Variants in SLC38A8 observed in about 807,000 individuals in gnomAD.
SLC38A8 encodes solute carrier family 38 member 8.
SLC38A8 carries 65 observed loss-of-function variants against 46.0 expected under a neutral mutation model. The ratio of observed to expected loss-of-function variants is 1.41; its 90% confidence interval spans 1.16 to 1.74. The LOEUF (loss-of-function observed/expected upper bound fraction) is 1.74, where lower values mean the gene tolerates loss of function less well. SLC38A8 is among the 40% of genes most tolerant of loss of function. The pLI, the probability that SLC38A8 is intolerant of heterozygous loss-of-function variation, is 0.00. For synonymous variants in SLC38A8, 447 were observed against 243.7 expected (o/e 1.83, Z -7.77); for missense variants, 998 against 567.9 (o/e 1.76, Z -7.70).
At chr16:84,038,016 T>A (rs1346351704) in intron 2 of SLC38A8, among the ~76,000 whole-genome samples, 1 of 151,842 alleles carries the variant, frequency 6.6e-6, no homozygotes, top group Non-Finnish European at 1.5e-5. Flanking sequence ...AAATGTATTA[T>A]AAAAAATTTT....
At chr16:84,038,473 T>A (rs1304789424) in intron 2 of SLC38A8, among the ~76,000 whole-genome samples, 2 of 152,182 alleles carry the variant, frequency 1.3e-5, no homozygotes, top group African/African-American at 2.4e-5. Context: ...TCTTAATGGA[T>A]CAGCATTTTG....
chr16:84,041,341 CAG>C (rs1163233086), intron 2 of SLC38A8: 4 of 152,448 alleles, frequency 2.6e-5, no homozygotes, highest in Non-Finnish European at 5.9e-5. Context: ...GTGTTTAAGA[CAG>C]AGTCTCACTC....
intron 10 of SLC38A8, among the ~76,000 whole-genome samples, chr16:84,011,616 G>A (rs1274694474): frequency 6.6e-6 from 1 of 152,228 alleles, no homozygotes; most frequent in Non-Finnish European, 1.5e-5. Context: ...ACCTGTGCTT[G>A]CCAGCTTATC....
intron 10 of SLC38A8, among the ~76,000 whole-genome samples, chr16:84,010,291 G>T (rs989407218): frequency 6.6e-6 from 1 of 151,920 alleles, no homozygotes; most frequent in African/African-American, 2.4e-5. Context: ...GGCTGGTCTT[G>T]AACTCCTGAC....
At chr16:84,023,040 T>C (rs1367247218) in intron 6 of SLC38A8, 151 bp from the exon 7 acceptor site, 2 of 595,106 alleles carry the variant, frequency 3.4e-6, no homozygotes, top group Non-Finnish European at 2.9e-6. Flanking sequence ...TAATTCACAG[T>C]ACACCCCCAA....
At position 84,022,992 on chromosome 16, in the gene SLC38A8, G is replaced by A. The variant is rs1194671759; in HGVS notation, c.691-103C>T. 2.9e-5 allele frequency: 22 copies of A among 760,352 alleles called. No homozygotes were observed. In the Admixed American group the frequency reaches 4.5e-4, roughly 15 times the overall value. The allele number at this position is 760,352 out of a possible 1,614,324, so 47.1% of individuals were successfully genotyped here. ...AGGCGGGAAATGTGGGATATGATGA[G>A]GTTTCTCTTGAAATAGCCTGATCAA... On this transcript the variant is annotated intron_variant, in intron 6 of 10. Transcript: ENST00000299709.
In SLC38A8 at chr16:84,019,867, G is replaced by A. The variant is rs554273820; in HGVS notation, c.806-2580C>T. Among the ~76,000 whole-genome samples, 11 of 152,380 alleles carry A rather than the reference G, an allele frequency of 7.2e-5. No homozygotes were observed. In the South Asian group the frequency reaches 1.0e-3, roughly 14 times the overall value. ...AACCCAGCAGAGCAGACACTCAAGC[G>A]TCAAGCTGGAGGATCATCTGTTTTG... is the stretch of plus-strand genomic sequence containing the variant. On this transcript the variant is annotated intron_variant, in intron 7 of 10. Coordinates refer to ENST00000299709, the MANE Select transcript of SLC38A8 (RefSeq NM_001080442.3).
At chr16:84,025,239 C>T (rs1007133735) in intron 6 of SLC38A8, among the ~76,000 whole-genome samples, 1 of 152,180 alleles carries the variant, frequency 6.6e-6, no homozygotes. Flanking sequence ...CCCACTCTCT[C>T]ACTCCTGGCC....
In SLC38A8 at chr16:84,016,662, T is replaced by A. The variant is rs1238596510; in HGVS notation, c.1019A>T (p.Asp340Val). 6.2e-7 allele frequency: 1 copy of A among 1,613,610 alleles called. No individual in the cohort carries two copies. The highest frequency in any genetic ancestry group is 8.5e-7 in the Non-Finnish European group (1 of 1,179,992). ...LGGWGPSALA[D>V]PSGLWVRMPL... ...CATCCGGACCCACAGCCCTGAGGGG[T>A]CGGCCAGGGCGCTGGGCCCCCATCC... Residue 340 changes from aspartate to valine, a missense_variant, in exon 9 of 11, where the codon GAC becomes GTC. By Grantham distance (152) the Asp-to-Val change is radical. Coordinates refer to ENST00000299709, the MANE Select transcript of SLC38A8 (RefSeq NM_001080442.3).
chr16:84,013,720 C>A (rs1235567366), intron 9 of SLC38A8, among the ~76,000 whole-genome samples: 5 of 148,012 alleles, frequency 3.4e-5, no homozygotes, highest in Admixed American at 2.0e-4. Context: ...TGAGCCACTG[C>A]ACCCAGCCCT....
chr16:84,035,417 T>C (rs1473453133), intron 3 of SLC38A8, among the ~76,000 whole-genome samples: 4 of 152,160 alleles, frequency 2.6e-5, no homozygotes, highest in Non-Finnish European at 5.9e-5. Context: ...CATGGCAAAA[T>C]GGTACACTAA....
Position 84,022,859 on chromosome 16 carries a change from T to C in SLC38A8, c.721A>G (p.Ser241Gly), listed in dbSNP as rs1422909947. ...CHEAAVSIYC[S>G]MRKRSLSHWA... ...TGGGAGAGGCTCCGTTTGCGCATGC[T>C]GCAGTAGATGGAGACGGCAGCTTCG... The change falls in exon 7 of 11, where the codon AGC becomes GGC. Residue 241 changes from serine (S) to glycine (G), a missense_variant. Transcript: ENST00000299709. The C allele has an allele frequency of 3.1e-6, 5 of 1,608,548 alleles. No homozygotes were observed. Among genetic ancestry groups the C allele is most frequent in the Non-Finnish European group, 4.2e-6 (5 of 1,178,056 alleles).
chr16:84,036,311 G>C (rs1221094435), intron 3 of SLC38A8, among the ~76,000 whole-genome samples: 6 of 152,236 alleles, frequency 3.9e-5, no homozygotes, highest in Non-Finnish European at 7.3e-5. Flanking sequence ...TGCTTAGAGG[G>C]AAAGTCTTAG....
rs576168838 is a variant in SLC38A8, at chr16:84,022,874, C to T, written c.706G>A (p.Val236Ile). The T allele has an allele frequency of 1.2e-4, 186 of 1,604,666 alleles. 2 individuals are homozygous for T. In the South Asian group the frequency reaches 1.2e-3, roughly 11 times the overall value. ...CFGFQCHEAAVSIYCSMRKRS... is the reference protein window; with the variant it reads ...CFGFQCHEAAISIYCSMRKRS... ...TTGCGCATGCTGCAGTAGATGGAGA[C>T]GGCAGCTTCGTGACACTGTAAGACA... Residue 236 changes from valine to isoleucine, a missense_variant, in exon 7 of 11, where the codon GTC (valine) becomes ATC (isoleucine). By Grantham distance (29) the Val-to-Ile change is conservative. Coordinates refer to ENST00000299709, the MANE Select transcript of SLC38A8 (RefSeq NM_001080442.3).
At chr16:84,023,451 G>A (rs571880712) in intron 6 of SLC38A8, among the ~76,000 whole-genome samples, 11 of 152,078 alleles carry the variant, frequency 7.2e-5, no homozygotes, top group Admixed American at 2.0e-4. Flanking sequence ...GATTTTGAGC[G>A]TTATTCCCAA....
At chr16:84,041,743 C>T (rs1026369202) in intron 2 of SLC38A8, among the ~76,000 whole-genome samples, 2 of 152,178 alleles carry the variant, frequency 1.3e-5, no homozygotes, top group African/African-American at 4.8e-5. Flanking sequence ...AGCTCCATCC[C>T]GGAAGCTGTG....
chr16:84,021,579 T>C (rs1459287779), intron 7 of SLC38A8, among the ~76,000 whole-genome samples: 1 of 152,196 alleles, frequency 6.6e-6, no homozygotes, highest in African/African-American at 2.4e-5. Context: ...TTCCCTAGTC[T>C]TGTCTCTAAG....
chr16:84,025,972 G>A (rs2085159629), intron 6 of SLC38A8, among the ~76,000 whole-genome samples: 2 of 152,196 alleles, frequency 1.3e-5, no homozygotes, highest in South Asian at 4.1e-4. Context: ...ACACTCTCAG[G>A]TCAGCCCTGT....
At position 84,012,951 on chromosome 16, in the gene SLC38A8, C is replaced by A. The variant is rs560766320; in HGVS notation, c.1214+50G>T. The A allele has an allele frequency of 1.9e-5, 30 of 1,598,372 alleles. No homozygotes were observed. The South Asian group carries it at 3.3e-4, about 18-fold the overall frequency. ...TGCAGGGTCCCCTGAAACATTCTTA[C>A]TCTGATCCGGGGCACACCCAGGGTG... On this transcript the variant is annotated intron_variant, in intron 10 of 10. Transcript: ENST00000299709.
Sources: gnomAD v4.1 joint callset for allele counts (sites outside exome capture counted in the v4.1 genomes callset) on GRCh38, gnomAD v4.1.1 for gene constraint, MANE v1.5 for transcripts, NCBI Gene and HGNC (gene_info 2026-07-23, HGNC 2026-07-21) for gene names.